The following CNTNAP5 variants were observed in gnomAD, a reference collection of about 807,000 sequenced individuals.
CNTNAP5 encodes the protein contactin-associated protein-like 5.
A neutral mutation model predicts 150.2 loss-of-function variants in CNTNAP5; 72 were observed. The observed-to-expected ratio is 0.48, with a 90% confidence interval of 0.40 to 0.58. The LOEUF is 0.58. CNTNAP5 is among the 20% of genes least tolerant of loss of function. CNTNAP5 has a pLI of 0.00. For missense variants in CNTNAP5, 1,636 were observed against 1,626.2 expected (o/e 1.01, Z -0.10); for synonymous variants, 672 against 619.8 (o/e 1.08, Z -1.25).
intron 1 of CNTNAP5, among the ~76,000 whole-genome samples, chr2:124,171,578 T>C (rs922023795): frequency 6.6e-6 from 1 of 152,180 alleles, no homozygotes; most frequent in Non-Finnish European, 1.5e-5. Context: ...TTGCAAATTA[T>C]TTCTGTCTTT....
intron 3 of CNTNAP5, among the ~76,000 whole-genome samples, chr2:124,385,908 T>A (rs1428832983): frequency 6.6e-6 from 1 of 152,180 alleles, no homozygotes; most frequent in African/African-American, 2.4e-5. Flanking sequence ...GTTTGTTTGT[T>A]TGTTTTCGGC....
chr2:124,073,450 C>T (rs1469269715), intron 1 of CNTNAP5, among the ~76,000 whole-genome samples: 1 of 152,072 alleles, frequency 6.6e-6, no homozygotes, highest in East Asian at 1.9e-4. Context: ...AACATATTTG[C>T]AAACTACCCA....
chr2:124,754,929 GAT>G (rs1400662665), intron 14 of CNTNAP5, among the ~76,000 whole-genome samples: 3 of 151,610 alleles, frequency 2.0e-5, no homozygotes, highest in Admixed American at 2.0e-4. Context: ...CCAATTAAGA[GAT>G]AAAGAAAAAA....
At chr2:124,079,370 A>C (rs1441544921) in intron 1 of CNTNAP5, among the ~76,000 whole-genome samples, 1 of 151,974 alleles carries the variant, frequency 6.6e-6, no homozygotes, top group African/African-American at 2.4e-5. Flanking sequence ...AGCTCCAGGC[A>C]CTCTGCTCTG....
chr2:124,625,602 G>A lies in CNTNAP5; in HGVS notation c.1876+15682G>A, dbSNP rs77510675. ...CATCCTTATGTATCTCCCCACTTCC[G>A]AGGGGCTCAGGCCAGGGCCTAGAAT... On this transcript the variant is annotated intron_variant, in intron 12 of 23. Transcript: ENST00000682447. Among the ~76,000 whole-genome samples, 1,342 of 152,232 alleles carry A rather than the reference G, an allele frequency of 8.8e-3. 24 individuals carry two copies. The highest frequency in any genetic ancestry group is 0.03 in the African/African-American group (1,248 of 41,550).
chr2:124,626,648 A>T (rs776181131), intron 12 of CNTNAP5, among the ~76,000 whole-genome samples: 5 of 152,136 alleles, frequency 3.3e-5, no homozygotes, highest in Non-Finnish European at 7.4e-5. Context: ...TCGAGCAGGC[A>T]CTGAGCTGCA....
At chr2:124,607,413 C>T (rs1326661350) in intron 11 of CNTNAP5, among the ~76,000 whole-genome samples, 6 of 152,080 alleles carry the variant, frequency 3.9e-5, no homozygotes, top group Admixed American at 1.3e-4. Flanking sequence ...CCGTGAGTGA[C>T]CTAGAACACC....
intron 12 of CNTNAP5, among the ~76,000 whole-genome samples, chr2:124,634,986 T>C (rs1423111428): frequency 6.6e-6 from 1 of 152,192 alleles, no homozygotes; most frequent in African/African-American, 2.4e-5. Context: ...AATTCCAAAG[T>C]TGCTTCCACA....
intron 3 of CNTNAP5, among the ~76,000 whole-genome samples, chr2:124,333,260 C>A (rs1017955539): frequency 1.3e-5 from 2 of 151,992 alleles, no homozygotes; most frequent in Non-Finnish European, 2.9e-5. Context: ...CAAAGCAAGA[C>A]CCTGTCTTGA....
intron 1 of CNTNAP5, among the ~76,000 whole-genome samples, chr2:124,119,298 T>A (rs950457454): frequency 2.6e-5 from 4 of 152,116 alleles, no homozygotes; most frequent in African/African-American, 9.7e-5. Context: ...TCTATTTTTT[T>A]AATTAGAATG....
At chr2:124,860,303 T>C (rs1305290788) in intron 19 of CNTNAP5, among the ~76,000 whole-genome samples, 2 of 151,894 alleles carry the variant, frequency 1.3e-5, no homozygotes, top group African/African-American at 2.4e-5. Flanking sequence ...TGAGCCGAGA[T>C]AGTGCCATTG....
chr2:124,681,809 G>A (rs551432396), intron 13 of CNTNAP5, among the ~76,000 whole-genome samples: 15 of 152,162 alleles, frequency 9.9e-5, no homozygotes, highest in East Asian at 9.7e-4. Context: ...TGATCTGCCC[G>A]CCTCGGCCTT....
chr2:124,353,313 GA>G (rs1553460660), intron 3 of CNTNAP5, among the ~76,000 whole-genome samples: 1 of 136,644 alleles, frequency 7.3e-6, no homozygotes, highest in African/African-American at 2.7e-5. Context: ...AAAAAAAGAT[GA>G]AGGCCATTAC....
intron 13 of CNTNAP5, among the ~76,000 whole-genome samples, chr2:124,655,937 G>GAA (rs1553427772): frequency 8.2e-4 from 43 of 52,388 alleles, no homozygotes; most frequent in African/African-American, 1.4e-3. Context: ...GAGAGAGAGA[G>GAA]AGAGAGAGAG....
chr2:124,710,869 A>G (rs532187172), intron 13 of CNTNAP5, among the ~76,000 whole-genome samples: 1 of 152,186 alleles, frequency 6.6e-6, no homozygotes. Context: ...GGTGTTCTGG[A>G]AAGTTTTCCA....
At chr2:124,764,832 A>T (rs1053242153) in intron 16 of CNTNAP5, among the ~76,000 whole-genome samples, 8 of 152,164 alleles carry the variant, frequency 5.3e-5, no homozygotes, top group African/African-American at 7.2e-5. Flanking sequence ...AATACAATTT[A>T]AAAAAATTAC....
chr2:124,443,220 T>A (rs1692719827), intron 5 of CNTNAP5, among the ~76,000 whole-genome samples: 2 of 149,522 alleles, frequency 1.3e-5, no homozygotes, highest in East Asian at 3.9e-4. Flanking sequence ...ATATGCCCTA[T>A]ATATCATATA....
intron 3 of CNTNAP5, among the ~76,000 whole-genome samples, chr2:124,256,571 C>T (rs1286101574): frequency 1.3e-5 from 2 of 151,950 alleles, no homozygotes; most frequent in African/African-American, 2.4e-5. Flanking sequence ...GCAGCTGGCT[C>T]GTGAAAATAA....
At chr2:124,411,053 T>C (rs1160831321) in intron 3 of CNTNAP5, among the ~76,000 whole-genome samples, 9 of 152,120 alleles carry the variant, frequency 5.9e-5, no homozygotes, top group African/African-American at 9.7e-5. Context: ...GGGATATCAC[T>C]GCCGATCCCA....
Sources: gnomAD v4.1 joint callset for allele counts (sites outside exome capture counted in the v4.1 genomes callset) on GRCh38, gnomAD v4.1.1 for gene constraint, MANE v1.5 for transcripts, NCBI Gene and HGNC (gene_info 2026-07-23, HGNC 2026-07-21) for gene names.